WDPCP: variants seen among roughly 807,000 people sequenced by gnomAD.
WDPCP encodes the protein WD repeat containing planar cell polarity effector.
Under a neutral mutation model 93.1 loss-of-function variants are expected in WDPCP, and 71 were observed. The ratio of observed to expected loss-of-function variants is 0.76; its 90% confidence interval spans 0.63 to 0.93. WDPCP has a LOEUF of 0.93. WDPCP is among the 40% of genes least tolerant of loss of function. The probability of loss-of-function intolerance (pLI) is 0.00; values close to 1 mark genes in which losing one functional copy is unlikely to be tolerated. For synonymous variants in WDPCP, 315 were observed against 315.0 expected, an observed-to-expected ratio of 1.00 and a Z score of 0.00; for missense variants, 844 against 887.4, an observed-to-expected ratio of 0.95 and a Z score of 0.62.
intron 1 of WDPCP, among the ~76,000 whole-genome samples, chr2:63,538,279 G>C (rs752013580): frequency 6.6e-6 from 1 of 151,964 alleles, no homozygotes; most frequent in Non-Finnish European, 1.5e-5. Flanking sequence ...TACAAAATTA[G>C]ATGTACAGAA....
chr2:63,721,874 C>T (rs1217985293), intron 2 of WDPCP, among the ~76,000 whole-genome samples: 3 of 152,320 alleles, frequency 2.0e-5, no homozygotes, highest in South Asian at 2.1e-4. Context: ...CGAGTGCCTG[C>T]GATTGCAGGC....
At chr2:63,746,755 C>A (rs1401860071) in intron 2 of WDPCP, among the ~76,000 whole-genome samples, 2 of 152,088 alleles carry the variant, frequency 1.3e-5, no homozygotes, top group African/African-American at 4.8e-5. Context: ...TGCTCTTGAA[C>A]CCTGTTAAGA....
At chr2:63,521,038 C>A (rs1296029180) in intron 1 of WDPCP, among the ~76,000 whole-genome samples, 2 of 152,146 alleles carry the variant, frequency 1.3e-5, no homozygotes, top group African/African-American at 4.8e-5. Context: ...CCCAGACCTG[C>A]CTTACAAGAG....
Position 63,208,755 on chromosome 2 carries a change from C to T in WDPCP, c.1916-33923G>A, listed in dbSNP as rs540271365. Among the ~76,000 whole-genome samples, 459 of 152,312 alleles carry T rather than the reference C, an allele frequency of 3.0e-3. 4 individuals are homozygous for T. The highest frequency in any genetic ancestry group is 3.9e-3 in the Non-Finnish European group (268 of 68,016). On this transcript the variant is annotated intron_variant, in intron 14 of 17. Coordinates refer to ENST00000272321, the MANE Select transcript of WDPCP (RefSeq NM_015910.7). ...AAGTCCCCCTACCTTCCGTGTGTTT[C>T]TCCCATGAAGCTGTTGTTGTTGTTA...
chr2:63,589,151 C>T, upstream of WDPCP: 3 of 1,612,520 alleles, frequency 1.9e-6, no homozygotes, highest in African/African-American at 1.3e-5. Context: ...AAGGCACTGT[C>T]CTTCGCGCCC....
chr2:63,720,373 C>G (rs890407337), intron 2 of WDPCP, among the ~76,000 whole-genome samples: 1 of 150,870 alleles, frequency 6.6e-6, no homozygotes, highest in Non-Finnish European at 1.5e-5. Context: ...GCCGAGATTG[C>G]GCCACTGCAC....
At chr2:63,351,815 A>G (rs556974795) in intron 12 of WDPCP, among the ~76,000 whole-genome samples, 1 of 152,052 alleles carries the variant, frequency 6.6e-6, no homozygotes, top group African/African-American at 2.4e-5. Flanking sequence ...TTAAAGGGTG[A>G]CTCTATTTTC....
chr2:63,362,258 C>CTT (rs67493046), intron 12 of WDPCP, among the ~76,000 whole-genome samples: 47,590 of 92,754 alleles, frequency 0.51, 13,147 homozygotes, highest in Admixed American at 0.53. Context: ...GGTAGAATCC[C>CTT]TTTTTTTTTT....
chr2:63,245,527 T>C (rs1464949830), intron 14 of WDPCP, among the ~76,000 whole-genome samples: 1 of 152,170 alleles, frequency 6.6e-6, no homozygotes, highest in African/African-American at 2.4e-5. Context: ...ACTGTTGTTT[T>C]ATGCTAAAAG....
intron 15 of WDPCP, among the ~76,000 whole-genome samples, chr2:63,164,398 T>G (rs888412078): frequency 3.3e-5 from 5 of 152,306 alleles, no homozygotes; most frequent in Admixed American, 3.3e-4. Flanking sequence ...GGCTTAGCAC[T>G]GTCCCCTTGG....
intron 13 of WDPCP, among the ~76,000 whole-genome samples, chr2:63,309,284 T>G (rs1309884306): frequency 6.6e-6 from 1 of 152,202 alleles, no homozygotes; most frequent in Admixed American, 6.5e-5. Context: ...CATATACTGA[T>G]GCAAATTTAA....
intron 3 of WDPCP, among the ~76,000 whole-genome samples, chr2:63,610,190 A>G (rs1379208525): frequency 1.3e-5 from 2 of 152,344 alleles, no homozygotes; most frequent in South Asian, 2.1e-4. Flanking sequence ...CATTTTTACT[A>G]GTACTTGAGG....
intron 2 of WDPCP, among the ~76,000 whole-genome samples, chr2:63,793,362 C>T (rs942824146): frequency 6.6e-6 from 1 of 152,168 alleles, no homozygotes; most frequent in Non-Finnish European, 1.5e-5. Flanking sequence ...AGTCACAACC[C>T]TTTGGGAAGC....
intron 15 of WDPCP, among the ~76,000 whole-genome samples, chr2:63,165,162 T>G (rs1672874829): frequency 6.6e-6 from 1 of 152,194 alleles, no homozygotes; most frequent in African/African-American, 2.4e-5. Context: ...GTGGAAACTT[T>G]AAAAGAGAAT....
At chr2:63,365,329 G>T (rs1224848166) in intron 12 of WDPCP, among the ~76,000 whole-genome samples, 6 of 152,100 alleles carry the variant, frequency 3.9e-5, no homozygotes, top group Admixed American at 3.9e-4. Context: ...TAACCCCAAA[G>T]AATGGCAGGA....
intron 13 of WDPCP, among the ~76,000 whole-genome samples, chr2:63,309,997 A>T (rs930718298): frequency 2.6e-5 from 4 of 152,164 alleles, no homozygotes; most frequent in Admixed American, 1.3e-4. Context: ...TAAACACCCA[A>T]ATATCAATAG....
At chr2:63,242,634 A>AAATGC (rs1679946675) in intron 14 of WDPCP, among the ~76,000 whole-genome samples, 1 of 152,142 alleles carries the variant, frequency 6.6e-6, no homozygotes, top group Non-Finnish European at 1.5e-5. Flanking sequence ...AAAAATAAAT[A>AAATGC]AATGCTATTC....
At chr2:63,814,527 C>T (rs1288128611) in intron 1 of WDPCP, among the ~76,000 whole-genome samples, 1 of 152,130 alleles carries the variant, frequency 6.6e-6, no homozygotes, top group East Asian at 1.9e-4. Flanking sequence ...CCAGAAGGCA[C>T]CTAACTCTTG....
intron 2 of WDPCP, among the ~76,000 whole-genome samples, chr2:63,715,807 T>C (rs1428272475): frequency 6.6e-6 from 1 of 152,178 alleles, no homozygotes; most frequent in Non-Finnish European, 1.5e-5. Context: ...AGGATTGCCA[T>C]TCGTCATAAA....
Sources: gnomAD v4.1 joint callset for allele counts (sites outside exome capture counted in the v4.1 genomes callset) on GRCh38, gnomAD v4.1.1 for gene constraint, MANE v1.5 for transcripts, NCBI Gene and HGNC (gene_info 2026-07-23, HGNC 2026-07-21) for gene names.